OSBPL8: variants seen among roughly 807,000 people sequenced by gnomAD.
OSBPL8 encodes the protein oxysterol binding protein like 8, also known as oxysterol-binding protein-related protein 8.
In OSBPL8, 59 loss-of-function variants were observed where a neutral mutation model predicts 125.5. The observed-to-expected ratio is 0.47, with a 90% CI of 0.38 to 0.58. OSBPL8 has a LOEUF of 0.58. OSBPL8 is among the 20% of genes least tolerant of loss of function. OSBPL8 has a pLI of 0.00. For synonymous variants in OSBPL8, 330 were observed against 338.9 expected (o/e 0.97, Z 0.29); for missense variants, 758 against 1,047.8 (o/e 0.72, Z 3.82).
At chr12:76,445,394 T>G (rs1216781111) in intron 4 of OSBPL8, among the ~76,000 whole-genome samples, 1 of 152,054 alleles carries the variant, frequency 6.6e-6, no homozygotes, top group East Asian at 1.9e-4. Context: ...TCAATGAAAT[T>G]AAAAACATCT....
chr12:76,392,478 A>G, intron 10 of OSBPL8, 103 bp downstream of exon 10: 1 of 1,066,362 alleles, frequency 9.4e-7, no homozygotes, highest in Non-Finnish European at 1.3e-6. Flanking sequence ...AGATATGCAA[A>G]TTTCAGTCCT....
chr12:76,528,674 A>T (rs1242318357), intron 1 of OSBPL8, among the ~76,000 whole-genome samples: 2 of 150,806 alleles, frequency 1.3e-5, no homozygotes, highest in Non-Finnish European at 3.0e-5. Context: ...TAACAGAATC[A>T]CACACACACA....
chr12:76,487,136 T>C (rs2137027948), intron 2 of OSBPL8, among the ~76,000 whole-genome samples: 1 of 150,740 alleles, frequency 6.6e-6, no homozygotes, highest in South Asian at 2.1e-4. Flanking sequence ...TTCAAGCAAT[T>C]CTCGTGCCTC....
chr12:76,430,145 C>T (rs1870638041), intron 4 of OSBPL8, among the ~76,000 whole-genome samples: 2 of 152,158 alleles, frequency 1.3e-5, no homozygotes, highest in African/African-American at 2.4e-5. Context: ...ATACACCCAA[C>T]CACATTCTTC....
chr12:76,500,724 CTTTT>C (rs1016756294), intron 1 of OSBPL8, among the ~76,000 whole-genome samples: 5 of 151,602 alleles, frequency 3.3e-5, no homozygotes, highest in Non-Finnish European at 5.9e-5. Context: ...CTTCTTTTTT[CTTTT>C]TTTTCTTTTT....
chr12:76,471,743 C>T (rs990207202), intron 2 of OSBPL8, among the ~76,000 whole-genome samples: 1 of 152,166 alleles, frequency 6.6e-6, no homozygotes, highest in Admixed American at 6.5e-5. Flanking sequence ...ATGCATTCCT[C>T]CAAACACCCA....
At chr12:76,558,788 C>A (rs1411208337) in intron 1 of OSBPL8, among the ~76,000 whole-genome samples, 1 of 152,216 alleles carries the variant, frequency 6.6e-6, no homozygotes, top group Non-Finnish European at 1.5e-5. Context: ...AGCATGCTGC[C>A]TGTGAAGCTC....
chr12:76,512,893 T>A (rs950971554), intron 1 of OSBPL8, among the ~76,000 whole-genome samples: 4 of 152,218 alleles, frequency 2.6e-5, no homozygotes, highest in Admixed American at 1.3e-4. Context: ...ATTATACAGA[T>A]CTTTCACCTC....
chr12:76,472,145 C>T lies in OSBPL8; in HGVS notation c.43-12250G>A, dbSNP rs149910507. Among the ~76,000 whole-genome samples the T allele has an allele frequency of 1.4e-3, 209 of 152,312 alleles. 4 individuals carry two copies. The highest frequency in any genetic ancestry group is 3.3e-3 in the African/African-American group (138 of 41,544). Reference sequence around the variant, plus strand: ...AGTCCTGACTCCATCGTCTACTTGTCGTATAGCTCGGGAAAAGCTATATAA... The same window carrying T: ...AGTCCTGACTCCATCGTCTACTTGTTGTATAGCTCGGGAAAAGCTATATAA... On this transcript the variant is annotated intron_variant, in intron 2 of 23. Coordinates refer to ENST00000261183, the MANE Select transcript of OSBPL8 (RefSeq NM_020841.5).
intron 4 of OSBPL8, among the ~76,000 whole-genome samples, chr12:76,411,694 C>A (rs547318766): frequency 2.0e-4 from 30 of 151,910 alleles, no homozygotes; most frequent in African/African-American, 7.0e-4. Context: ...CACTCAATCT[C>A]AATACTAAAA....
At chr12:76,476,234 A>T (rs1876791887) in intron 2 of OSBPL8, among the ~76,000 whole-genome samples, 1 of 152,212 alleles carries the variant, frequency 6.6e-6, no homozygotes, top group Non-Finnish European at 1.5e-5. Context: ...GTAGGACAGT[A>T]TCAGACAAGG....
chr12:76,404,876 G>A (rs147728518), intron 5 of OSBPL8, among the ~76,000 whole-genome samples: 7 of 152,264 alleles, frequency 4.6e-5, no homozygotes, highest in Admixed American at 4.6e-4. Flanking sequence ...GGCAGGGTCA[G>A]TGCCCCTAAC....
intron 2 of OSBPL8, among the ~76,000 whole-genome samples, chr12:76,462,670 G>A (rs1237461949): frequency 2.0e-5 from 3 of 151,996 alleles, no homozygotes; most frequent in Admixed American, 1.3e-4. Context: ...AACTAGGGGG[G>A]GAAATAAGTA....
intron 20 of OSBPL8, 44 bp downstream of exon 20, chr12:76,369,593 C>A: frequency 6.5e-7 from 1 of 1,532,062 alleles, no homozygotes; most frequent in South Asian, 1.2e-5. Context: ...GGCAACAAAC[C>A]ATGCTAATAC....
chr12:76,473,646 C>T (rs927820897), intron 2 of OSBPL8, among the ~76,000 whole-genome samples: 2 of 152,188 alleles, frequency 1.3e-5, no homozygotes, highest in Non-Finnish European at 2.9e-5. Context: ...CACAATTTTG[C>T]CATGCTGATA....
In OSBPL8 at chr12:76,418,704, T is replaced by C. The variant is rs564455989; in HGVS notation, c.218-8070A>G. 2.5e-4 allele frequency among the ~76,000 whole-genome samples: 38 copies of C among 152,026 alleles called. 1 individual carries two copies. In the South Asian group the frequency reaches 7.9e-3, roughly 32 times the overall value. On this transcript the variant is annotated intron_variant, in intron 4 of 23. Transcript: ENST00000261183. ...AAAATTAGCCGGGTGTGGTAGCACA[T>C]GCCTGTAATCCCAGCTACTTGGGAG... is the stretch of plus-strand genomic sequence containing the variant.
intron 3 of OSBPL8, among the ~76,000 whole-genome samples, chr12:76,455,199 C>T (rs575692374): frequency 1.3e-5 from 2 of 151,546 alleles, no homozygotes; most frequent in African/African-American, 4.9e-5. Context: ...GCCGAGATTG[C>T]ACCACTGCAC....
At chr12:76,467,506 T>C (rs1875603016) in intron 2 of OSBPL8, among the ~76,000 whole-genome samples, 1 of 152,204 alleles carries the variant, frequency 6.6e-6, no homozygotes. Context: ...GTAATCAGCT[T>C]TCTCTCAGAA....
intron 1 of OSBPL8, among the ~76,000 whole-genome samples, chr12:76,518,452 T>A (rs1376456639): frequency 6.6e-6 from 1 of 152,178 alleles, no homozygotes; most frequent in Non-Finnish European, 1.5e-5. Flanking sequence ...GGGTACAAGC[T>A]AACAGTAGAT....
Sources: gnomAD v4.1 joint callset for allele counts (sites outside exome capture counted in the v4.1 genomes callset) on GRCh38, gnomAD v4.1.1 for gene constraint, MANE v1.5 for transcripts, NCBI Gene and HGNC (gene_info 2026-07-23, HGNC 2026-07-21) for gene names.